PRKRIP1: variants seen among roughly 807,000 people sequenced by gnomAD.
PRKRIP1 encodes the protein PRKR-interacting protein 1.
In PRKRIP1, 29 loss-of-function variants were observed where a neutral mutation model predicts 29.3. That is an observed-to-expected ratio of 0.99 (90% CI 0.74 to 1.35). PRKRIP1 has a LOEUF of 1.35. Ranked by LOEUF, PRKRIP1 falls within the 40% of genes most tolerant of loss-of-function variation. The pLI, the probability that PRKRIP1 is intolerant of heterozygous loss-of-function variation, is 0.00. For synonymous variants in PRKRIP1, 90 were observed against 85.1 expected (o/e 1.06, Z -0.32); for missense variants, 247 against 236.8 (o/e 1.04, Z -0.28).
chr7:102,399,637 A>C lies in PRKRIP1; in HGVS notation c.295A>C (p.Met99Leu). The C allele has an allele frequency of 6.2e-7, 1 of 1,613,386 alleles. No homozygotes were observed. The highest frequency in any genetic ancestry group is 8.5e-7 in the Non-Finnish European group (1 of 1,179,368). Residue 99 changes from methionine (M) to leucine (L), a missense_variant, in exon 3 of 6, where the codon ATG (methionine) becomes CTG (leucine). By Grantham distance (15) the Met-to-Leu change is conservative. Coordinates refer to ENST00000397912, the MANE Select transcript of PRKRIP1 (RefSeq NM_024653.4). ...TCAGCGACAGGACTACATGGATGCC[A>C]TGGCTGAGAAGGTCAGTGAGCCAGA... is the stretch of plus-strand genomic sequence containing the variant. ...EYQRQDYMDA[M>L]AEKQKLDAEF...
At chr7:102,403,242 A>G (rs1415012695) in intron 3 of PRKRIP1, among the ~76,000 whole-genome samples, 1 of 152,176 alleles carries the variant, frequency 6.6e-6, no homozygotes, top group Non-Finnish European at 1.5e-5. Context: ...GGTTGTCCAG[A>G]AAGTTGATTA....
intron 5 of PRKRIP1, among the ~76,000 whole-genome samples, chr7:102,408,081 A>G (rs1303924156): frequency 2.6e-5 from 4 of 152,176 alleles, no homozygotes; most frequent in African/African-American, 4.8e-5. Flanking sequence ...GATGTGGCTC[A>G]GCAGTGTAGG....
intron 5 of PRKRIP1, among the ~76,000 whole-genome samples, chr7:102,411,154 C>T (rs901131774): frequency 2.6e-5 from 4 of 152,110 alleles, no homozygotes; most frequent in African/African-American, 9.7e-5. Context: ...GTCTTGAACT[C>T]CTGGGCTCAA....
At chr7:102,415,363 A>G (rs1292687486) in intron 5 of PRKRIP1, among the ~76,000 whole-genome samples, 2 of 152,114 alleles carry the variant, frequency 1.3e-5, no homozygotes, top group Non-Finnish European at 2.9e-5. Context: ...CAGCCTCCCA[A>G]GTAGCTGGGA....
Position 102,425,374 on chromosome 7 carries a change from A to G in PRKRIP1, c.*263A>G, listed in dbSNP as rs1162156410. 5.4e-6 allele frequency: 3 copies of G among 560,358 alleles called. No individual in the cohort carries two copies. Among genetic ancestry groups the G allele is most frequent in the Non-Finnish European group, 9.2e-6 (3 of 326,436 alleles). 34.7% of individuals were successfully genotyped at this position (560,358 alleles called of 1,614,324 possible). ...GGGACAGAGAGCCTCACCTTGCCAC[A>G]TATTTGAACAGTGATGAGTTTGGGG... On this transcript the variant is annotated 3_prime_UTR_variant, in exon 6 of 6. Transcript: ENST00000397912.
intron 3 of PRKRIP1, among the ~76,000 whole-genome samples, chr7:102,400,982 C>A (rs1796055083): frequency 6.6e-6 from 1 of 152,112 alleles, no homozygotes; most frequent in African/African-American, 2.4e-5. Context: ...AAATATGAAA[C>A]CCTATTTAAT....
Position 102,397,677 on chromosome 7 carries a change from G to A in PRKRIP1, c.184G>A (p.Glu62Lys). ...TGAATGGGCACCTCGACCTCCCCCA[G>A]AATTTGTCCGAGATGTCATGGGTAA... ...MSEWAPRPPP[E>K]FVRDVMGSSA... Residue 62 changes from glutamate (E) to lysine (K), a missense_variant, in exon 2 of 6, where the codon GAA becomes AAA. Physicochemically the swap from Glu to Lys is moderately conservative, Grantham distance 56. Transcript: ENST00000397912. The A allele has an allele frequency of 6.2e-7, 1 of 1,613,376 alleles. No homozygotes were observed. The highest frequency in any genetic ancestry group is 8.5e-7 in the Non-Finnish European group (1 of 1,179,678).
intron 3 of PRKRIP1, 109 bp from the exon 4 acceptor site, chr7:102,404,489 C>T (rs782805184): frequency 2.5e-5 from 21 of 825,946 alleles, no homozygotes; most frequent in Non-Finnish European, 3.8e-5. Flanking sequence ...GTAGTGCCTC[C>T]GTCACCCCCA....
rs568557261 is a variant in PRKRIP1 at position 102,418,933 on chromosome 7, C to T, written c.458-6081C>T. ...CTGGTCTTGAACTCCTGGGCTCAAG[C>T]GATCCTCCGGCCTCAACCTCCCAAA... On this transcript the variant is annotated intron_variant, in intron 5 of 5. Transcript: ENST00000397912. Among the ~76,000 whole-genome samples, 45 of 152,086 alleles carry T rather than the reference C, an allele frequency of 3.0e-4. 1 individual carries two copies. In the South Asian group the frequency reaches 8.7e-3, roughly 30 times the overall value.
At chr7:102,400,977 T>TA (rs1554571112) in intron 3 of PRKRIP1, among the ~76,000 whole-genome samples, 1 of 152,144 alleles carries the variant, frequency 6.6e-6, no homozygotes, top group Non-Finnish European at 1.5e-5. Flanking sequence ...TACACAAATA[T>TA]GAAACCCTAT....
rs1796811453 is a variant in PRKRIP1 at position 102,425,608 on chromosome 7, C to T, written c.*497C>T. 4.0e-6 allele frequency: 1 copy of T among 247,956 alleles called. No homozygotes were observed. The highest frequency in any genetic ancestry group is 8.0e-6 in the Non-Finnish European group (1 of 125,120). 15.4% of individuals were successfully genotyped at this position (247,956 alleles called of 1,614,324 possible). ...GGGGCTGGTCCATGTTGCCCACTCA[C>T]TCCAGTGGGAAGTGGGGACCACGCC... On this transcript the variant is annotated 3_prime_UTR_variant, in exon 6 of 6. Coordinates refer to ENST00000397912, the MANE Select transcript of PRKRIP1 (RefSeq NM_024653.4).
chr7:102,418,136 G>A (rs1441001293), intron 5 of PRKRIP1, among the ~76,000 whole-genome samples: 4 of 149,770 alleles, frequency 2.7e-5, no homozygotes, highest in African/African-American at 4.9e-5. Flanking sequence ...TGCAACCTCC[G>A]CCTCCCGGGT....
At chr7:102,401,674 G>A (rs10226565) in intron 3 of PRKRIP1, among the ~76,000 whole-genome samples, 11,266 of 151,994 alleles carry the variant, frequency 0.074, 455 homozygotes, top group African/African-American at 0.096. Flanking sequence ...TGGAGGTTGC[G>A]GTGAGCTGAG....
At chr7:102,407,392 A>G in intron 4 of PRKRIP1, 42 bp from the exon 5 acceptor site, 2 of 1,268,042 alleles carry the variant, frequency 1.6e-6, no homozygotes, top group South Asian at 1.2e-5. Context: ...AATATACCAT[A>G]ATGTAGTTAA....
At chr7:102,424,664 G>T (rs1796788575) in intron 5 of PRKRIP1, among the ~76,000 whole-genome samples, 1 of 152,204 alleles carries the variant, frequency 6.6e-6, no homozygotes. Flanking sequence ...AGTGTTGTCA[G>T]CCTGGCGTTA....
At chr7:102,419,474 C>G (rs935024348) in intron 5 of PRKRIP1, among the ~76,000 whole-genome samples, 2 of 152,116 alleles carry the variant, frequency 1.3e-5, no homozygotes, top group Non-Finnish European at 2.9e-5. Context: ...TGGATTTTGT[C>G]AAACGCATAG....
At position 102,399,565 on chromosome 7, in the gene PRKRIP1, G is replaced by A. The variant is rs1299640797; in HGVS notation, c.223G>A (p.Gly75Ser). Residue 75 changes from glycine (G) to serine (S), a missense_variant, in exon 3 of 6, where the codon GGC (glycine) becomes AGC (serine). Gly to Ser is a moderately conservative substitution (Grantham distance 56, BLOSUM62 0). Transcript: ENST00000397912. ...GGCTACAGGTTCAAGTGCTGGGGCC[G>A]GCAGTGGAGAGTTCCACGTGTACAG... Reference protein sequence around the residue: ...RDVMGSSAGAGSGEFHVYRHL... With the variant: ...RDVMGSSAGASSGEFHVYRHL... 4.3e-6 allele frequency: 7 copies of A among 1,613,944 alleles called. No individual in the cohort carries two copies. The highest frequency in any genetic ancestry group is 1.1e-5 in the South Asian group (1 of 91,092).
chr7:102,397,313 C>A (rs960648139), intron 1 of PRKRIP1, among the ~76,000 whole-genome samples: 3 of 151,942 alleles, frequency 2.0e-5, no homozygotes, highest in African/African-American at 7.3e-5. Flanking sequence ...GGAGGCCAGG[C>A]GGGAGGATGG....
intron 5 of PRKRIP1, among the ~76,000 whole-genome samples, chr7:102,422,437 C>T (rs185120087): frequency 4.4e-4 from 67 of 151,570 alleles, no homozygotes; most frequent in African/African-American, 1.5e-3. Context: ...CTCCCACCCC[C>T]GGTTCAAGCA....
Sources: allele counts gnomAD v4.1 joint callset (sites outside exome capture counted in the v4.1 genomes callset), GRCh38; gene constraint gnomAD v4.1.1; transcripts MANE v1.5; gene names NCBI Gene and HGNC (gene_info 2026-07-23, HGNC 2026-07-21).